The following KCNIP4 variants were observed in gnomAD, a reference collection of about 807,000 sequenced individuals.
The protein encoded by KCNIP4 is potassium voltage-gated channel interacting protein 4, also known as Kv channel-interacting protein 4.
In KCNIP4, 12 loss-of-function variants were observed where a neutral mutation model predicts 34.0. That is an observed-to-expected ratio of 0.35 (90% CI 0.23 to 0.57). The LOEUF (loss-of-function observed/expected upper bound fraction) is 0.57. Ranked by LOEUF, KCNIP4 falls within the 20% of genes least tolerant of loss-of-function variation. The pLI, the probability that KCNIP4 is intolerant of heterozygous loss-of-function variation, is 0.83. For synonymous variants in KCNIP4, 124 were observed against 102.2 expected (o/e 1.21, Z -1.29); for missense variants, 238 against 311.7 (o/e 0.76, Z 1.78).
At chr4:21,857,370 C>T (rs1001442083) in intron 1 of KCNIP4, among the ~76,000 whole-genome samples, 5 of 152,146 alleles carry the variant, frequency 3.3e-5, no homozygotes, top group African/African-American at 7.2e-5. Context: ...AGGGTCTCCT[C>T]TGCTGAGAGC....
chr4:20,826,692 T>A (rs1223582700), intron 3 of KCNIP4, among the ~76,000 whole-genome samples: 1 of 152,140 alleles, frequency 6.6e-6, no homozygotes, highest in East Asian at 1.9e-4. Context: ...TCAGGTGCCT[T>A]AACTTTGACC....
intron 1 of KCNIP4, among the ~76,000 whole-genome samples, chr4:21,686,681 CT>C (rs1750826149): frequency 6.6e-6 from 1 of 152,108 alleles, no homozygotes; most frequent in African/African-American, 2.4e-5. Context: ...TCTCAATCAT[CT>C]ATAACCATTT....
At chr4:21,025,682 T>C (rs575318765) in intron 1 of KCNIP4, among the ~76,000 whole-genome samples, 1 of 149,250 alleles carries the variant, frequency 6.7e-6, no homozygotes, top group East Asian at 2.0e-4. Context: ...GCCTCCTGAG[T>C]AGCTGGGACT....
chr4:20,759,400 C>T (rs1754759052), intron 3 of KCNIP4, among the ~76,000 whole-genome samples: 1 of 152,164 alleles, frequency 6.6e-6, no homozygotes, highest in Non-Finnish European at 1.5e-5. Flanking sequence ...ATACCCAAGA[C>T]ATGGTTTTGT....
In KCNIP4 at chr4:20,877,852, G is replaced by A. The variant is rs1017752800; in HGVS notation, c.163+4756C>T. Among the ~76,000 whole-genome samples the A allele has an allele frequency of 3.3e-5, 5 of 152,180 alleles. No homozygotes were observed. The South Asian group carries it at 8.3e-4, about 25-fold the overall frequency. On this transcript the variant is annotated intron_variant, in intron 2 of 8. Transcript: ENST00000382152. ...AAGTTTTTGTTTATTCAACTTCTCA[G>A]TTGTGGGATTCTGCTCAAATCATTA...
intron 1 of KCNIP4, among the ~76,000 whole-genome samples, chr4:21,588,687 A>G (rs1024017609): frequency 1.3e-5 from 2 of 151,986 alleles, no homozygotes; most frequent in Non-Finnish European, 2.9e-5. Flanking sequence ...CTGGTAATGG[A>G]AGGAACAATA....
intron 1 of KCNIP4, among the ~76,000 whole-genome samples, chr4:21,422,724 G>A (rs78440255): frequency 0.011 from 1,586 of 150,892 alleles, 28 homozygotes; most frequent in African/African-American, 0.036. Context: ...TTTTCATTTC[G>A]TCACCTGGGA....
chr4:20,913,138 T>C (rs1283664095), intron 1 of KCNIP4, among the ~76,000 whole-genome samples: 1 of 151,836 alleles, frequency 6.6e-6, no homozygotes, highest in Admixed American at 6.6e-5. Context: ...ACAATGTCCA[T>C]TAACTGATAA....
chr4:21,770,017 A>G (rs2109188592), intron 1 of KCNIP4, among the ~76,000 whole-genome samples: 1 of 152,196 alleles, frequency 6.6e-6, no homozygotes, highest in African/African-American at 2.4e-5. Flanking sequence ...TCTAAAAAAA[A>G]AGAAAGATAC....
At chr4:20,943,499 C>T (rs1300189704) in intron 1 of KCNIP4, among the ~76,000 whole-genome samples, 2 of 152,148 alleles carry the variant, frequency 1.3e-5, no homozygotes, top group East Asian at 1.9e-4. Flanking sequence ...TTGTTAAATG[C>T]TCATTATATT....
chr4:21,104,664 T>C (rs1052126255), intron 1 of KCNIP4, among the ~76,000 whole-genome samples: 1 of 151,966 alleles, frequency 6.6e-6, no homozygotes, highest in South Asian at 2.1e-4. Context: ...CATGAAGTCC[T>C]TGCCCATGTG....
At chr4:21,570,383 TG>T (rs1208521977) in intron 1 of KCNIP4, among the ~76,000 whole-genome samples, 1 of 152,116 alleles carries the variant, frequency 6.6e-6, no homozygotes, top group African/African-American at 2.4e-5. Flanking sequence ...AAGGACAGTT[TG>T]GTCAATAATG....
At chr4:21,274,230 C>A (rs1762311546) in intron 1 of KCNIP4, among the ~76,000 whole-genome samples, 1 of 152,074 alleles carries the variant, frequency 6.6e-6, no homozygotes, top group South Asian at 2.1e-4. Context: ...AAGTACCATG[C>A]CTGTGTGTGA....
intron 1 of KCNIP4, among the ~76,000 whole-genome samples, chr4:21,450,455 T>C (rs1728424174): frequency 6.6e-6 from 1 of 152,140 alleles, no homozygotes; most frequent in South Asian, 2.1e-4. Context: ...CAATCCAGAA[T>C]ACTTTAGACT....
rs1212663321 is a variant in KCNIP4, at chr4:20,999,435, TTTG to T, written c.62-116729_62-116727del. Reference sequence around the variant, plus strand: ...TGGTGTTTTTTTTTTTTGTTTGTTTTTTGTTTTTTTTTTTTTTTTTTATCTTGA... The same window carrying T: ...TGGTGTTTTTTTTTTTTGTTTGTTTTTTTTTTTTTTTTTTTTTTATCTTGA... On this transcript the variant is annotated intron_variant, in intron 1 of 8. Coordinates refer to ENST00000382152, the MANE Select transcript of KCNIP4 (RefSeq NM_025221.6). Among the ~76,000 whole-genome samples, 316 of 38,326 alleles carry T rather than the reference TTTG, an allele frequency of 8.2e-3. 18 individuals carry two copies. Among genetic ancestry groups the T allele is most frequent in the African/African-American group, 0.039 (304 of 7,806 alleles). 25.1% of individuals were successfully genotyped at this position (38,326 alleles called of 152,430 possible). A position where few individuals can be genotyped will look rare whatever the true frequency, so the allele number is the denominator to read the frequency against.
intron 1 of KCNIP4, among the ~76,000 whole-genome samples, chr4:21,251,019 A>G (rs1301364124): frequency 6.6e-6 from 1 of 151,982 alleles, no homozygotes; most frequent in Non-Finnish European, 1.5e-5. Flanking sequence ...AAAAGTACAC[A>G]TATACAGAAC....
intron 1 of KCNIP4, among the ~76,000 whole-genome samples, chr4:21,501,277 C>CACACA (rs1560464661): frequency 6.8e-6 from 1 of 147,154 alleles, no homozygotes; most frequent in South Asian, 2.2e-4. Flanking sequence ...CACACACATG[C>CACACA]CATGTCCTAA....
At chr4:20,950,882 C>T (rs1032342163) in intron 1 of KCNIP4, among the ~76,000 whole-genome samples, 1 of 151,986 alleles carries the variant, frequency 6.6e-6, no homozygotes, top group South Asian at 2.1e-4. Context: ...TTTCTTCCCC[C>T]ATTCTCCATT....
chr4:20,867,924 A>G (rs141638930), intron 2 of KCNIP4, among the ~76,000 whole-genome samples: 2,278 of 152,106 alleles, frequency 0.015, 56 homozygotes, highest in African/African-American at 0.053. Flanking sequence ...AGATATACCT[A>G]ATGTTAATGG....
Sources: allele counts gnomAD v4.1 joint callset (sites outside exome capture counted in the v4.1 genomes callset), GRCh38; gene constraint gnomAD v4.1.1; transcripts MANE v1.5; gene names NCBI Gene and HGNC (gene_info 2026-07-23, HGNC 2026-07-21).